SPATA16: variants seen among roughly 807,000 people sequenced by gnomAD.
SPATA16 encodes spermatogenesis associated 16.
SPATA16 carries 36 observed loss-of-function variants against 63.3 expected under a neutral mutation model. The observed-to-expected ratio is 0.57, with a 90% confidence interval of 0.44 to 0.75. The LOEUF is 0.75. SPATA16 is among the 30% of genes least tolerant of loss of function. SPATA16 has a pLI of 0.00. For synonymous variants in SPATA16, 203 were observed against 216.7 expected (o/e 0.94, Z 0.56); for missense variants, 646 against 679.3 (o/e 0.95, Z 0.54).
intron 6 of SPATA16, among the ~76,000 whole-genome samples, chr3:172,944,320 A>C (rs73175070): frequency 0.056 from 8,519 of 152,324 alleles, 340 homozygotes; most frequent in Non-Finnish European, 0.078. Context: ...ATACCACTTC[A>C]TATCTGTTAG....
intron 2 of SPATA16, among the ~76,000 whole-genome samples, chr3:173,096,644 AAT>A (rs1002080737): frequency 6.6e-6 from 1 of 152,102 alleles, no homozygotes; most frequent in Non-Finnish European, 1.5e-5. Context: ...TAGACCTTCT[AAT>A]ACACAGCTGA....
chr3:173,002,671 A>G (rs1734852132), intron 4 of SPATA16, among the ~76,000 whole-genome samples: 2 of 152,212 alleles, frequency 1.3e-5, no homozygotes, highest in African/African-American at 2.4e-5. Context: ...AGATAACAAG[A>G]CATGTTACAA....
intron 6 of SPATA16, among the ~76,000 whole-genome samples, chr3:172,943,928 A>C (rs1560074551): frequency 6.6e-6 from 1 of 152,180 alleles, no homozygotes; most frequent in Non-Finnish European, 1.5e-5. Flanking sequence ...AAGAATATAG[A>C]AATAGTAAAA....
intron 6 of SPATA16, among the ~76,000 whole-genome samples, chr3:172,939,571 A>G (rs996727193): frequency 6.6e-6 from 1 of 152,216 alleles, no homozygotes; most frequent in African/African-American, 2.4e-5. Context: ...AGCATCATGC[A>G]CTATGGTAGC....
chr3:173,018,073 AAG>A (rs1175570722), intron 4 of SPATA16, among the ~76,000 whole-genome samples: 1 of 152,190 alleles, frequency 6.6e-6, no homozygotes, highest in Non-Finnish European at 1.5e-5. Flanking sequence ...ATATGCAAAA[AAG>A]AGAGTGATAA....
intron 10 of SPATA16, among the ~76,000 whole-genome samples, chr3:172,902,703 A>T (rs1221197154): frequency 6.6e-6 from 1 of 152,152 alleles, no homozygotes; most frequent in Admixed American, 6.5e-5. Flanking sequence ...CAGCCCTCTC[A>T]TGTTCCTCTC....
At chr3:173,116,059 A>G (rs1190381909) in intron 2 of SPATA16, among the ~76,000 whole-genome samples, 2 of 152,002 alleles carry the variant, frequency 1.3e-5, no homozygotes, top group South Asian at 4.2e-4. Flanking sequence ...ATGCCTAGCT[A>G]ATTTTTACAT....
chr3:172,980,200 G>C (rs1342780442), intron 4 of SPATA16, among the ~76,000 whole-genome samples: 1 of 152,238 alleles, frequency 6.6e-6, no homozygotes, highest in Non-Finnish European at 1.5e-5. Flanking sequence ...TCATCGTGCT[G>C]AATTTATAAA....
intron 1 of SPATA16, among the ~76,000 whole-genome samples, chr3:173,140,721 GT>G (rs1468927096): frequency 6.6e-6 from 1 of 152,152 alleles, no homozygotes; most frequent in Admixed American, 6.5e-5. Context: ...ACAAGAAGAT[GT>G]CCTCAAACTA....
At chr3:173,138,257 C>T (rs1426987295) in intron 1 of SPATA16, among the ~76,000 whole-genome samples, 3 of 152,114 alleles carry the variant, frequency 2.0e-5, no homozygotes, top group African/African-American at 7.2e-5. Flanking sequence ...ATCAGATGAA[C>T]ACCCACAATG....
chr3:173,134,654 G>T (rs1191920070), intron 1 of SPATA16, among the ~76,000 whole-genome samples: 1 of 152,082 alleles, frequency 6.6e-6, no homozygotes. Flanking sequence ...GGACTTCCCA[G>T]CCTCCAGAAT....
intron 1 of SPATA16, among the ~76,000 whole-genome samples, chr3:173,128,832 T>C (rs1042304501): frequency 1.3e-5 from 2 of 152,260 alleles, no homozygotes; most frequent in Admixed American, 6.5e-5. Flanking sequence ...CGTAAGCATA[T>C]TCATGATTAG....
At chr3:173,131,944 A>G (rs1161088452) in intron 1 of SPATA16, among the ~76,000 whole-genome samples, 5 of 152,190 alleles carry the variant, frequency 3.3e-5, no homozygotes. Flanking sequence ...ATGCAAAAAT[A>G]AAACATCTCA....
intron 2 of SPATA16, among the ~76,000 whole-genome samples, chr3:173,113,573 A>T (rs11716800): frequency 0.13 from 20,477 of 152,220 alleles, 1,482 homozygotes; most frequent in African/African-American, 0.18. Flanking sequence ...CTTCTGAATC[A>T]TTGCATATCA....
At chr3:173,010,225 C>T (rs908901778) in intron 4 of SPATA16, among the ~76,000 whole-genome samples, 14 of 152,190 alleles carry the variant, frequency 9.2e-5, no homozygotes, top group South Asian at 2.1e-4. Context: ...ACAGACCTAC[C>T]GTGATTGCCA....
intron 6 of SPATA16, among the ~76,000 whole-genome samples, chr3:172,952,729 C>T (rs1733468955): frequency 2.6e-5 from 4 of 152,040 alleles, no homozygotes. Flanking sequence ...ATCATGAGGT[C>T]AAGAGATTGA....
At chr3:173,047,823 A>AATCTG in intron 3 of SPATA16, among the ~76,000 whole-genome samples, 1 of 152,132 alleles carries the variant, frequency 6.6e-6, no homozygotes, top group East Asian at 1.9e-4. Context: ...TGTCAAAGAG[A>AATCTG]ATCTGCCTCT....
intron 10 of SPATA16, among the ~76,000 whole-genome samples, chr3:172,893,623 A>C (rs1416164088): frequency 6.6e-6 from 1 of 152,264 alleles, no homozygotes; most frequent in African/African-American, 2.4e-5. Flanking sequence ...CAATTAAGTT[A>C]TAATTTTCCC....
chr3:172,892,265 T>C (rs1731908095), intron 10 of SPATA16, among the ~76,000 whole-genome samples: 1 of 152,216 alleles, frequency 6.6e-6, no homozygotes, highest in Admixed American at 6.5e-5. Flanking sequence ...AGTAGGAATG[T>C]TGAATTCTGC....
Sources: gnomAD v4.1 joint callset for allele counts (sites outside exome capture counted in the v4.1 genomes callset) on GRCh38, gnomAD v4.1.1 for gene constraint, MANE v1.5 for transcripts, NCBI Gene and HGNC (gene_info 2026-07-23, HGNC 2026-07-21) for gene names.